The following MYH15 variants were observed in gnomAD, a reference collection of about 807,000 sequenced individuals.
MYH15 encodes myosin heavy chain 15, also known as myosin-15.
In MYH15, 227 loss-of-function variants were observed where a neutral mutation model predicts 240.5. That is an observed-to-expected ratio of 0.94 (90% CI 0.85 to 1.05). The LOEUF (loss-of-function observed/expected upper bound fraction) is 1.05, where lower values mean the gene tolerates loss of function less well. Ranked by LOEUF, MYH15 falls within the 50% of genes least tolerant of loss-of-function variation. MYH15 has a pLI of 0.00. For missense variants in MYH15, 2,217 were observed against 2,247.5 expected (o/e 0.99, Z 0.27); for synonymous variants, 785 against 796.7 (o/e 0.99, Z 0.25).
At chr3:108,407,464 C>G (rs908154032) in intron 32 of MYH15, among the ~76,000 whole-genome samples, 3 of 152,268 alleles carry the variant, frequency 2.0e-5, no homozygotes, top group African/African-American at 4.8e-5. Flanking sequence ...TCTTAACCAC[C>G]TAAGAATCAT....
At chr3:108,470,910 T>C in intron 12 of MYH15, 63 bp from the exon 13 acceptor site, 1 of 1,545,772 alleles carries the variant, frequency 6.5e-7, no homozygotes, top group Admixed American at 1.7e-5. Flanking sequence ...TCCCGGGCAT[T>C]CTCTATCAGC....
upstream of MYH15, among the ~76,000 whole-genome samples, chr3:108,514,966 T>G (rs568541902): frequency 3.3e-5 from 5 of 152,302 alleles, no homozygotes; most frequent in South Asian, 1.0e-3. Context: ...TCAACTTTTA[T>G]TGATAATTAA....
chr3:108,527,370 C>T (rs1220119654), intron 1 of MYH15, among the ~76,000 whole-genome samples: 1 of 152,114 alleles, frequency 6.6e-6, no homozygotes, highest in Non-Finnish European at 1.5e-5. Context: ...TTCCACAGCC[C>T]TTCTCCATAG....
intron 1 of MYH15, among the ~76,000 whole-genome samples, chr3:108,527,575 G>C (rs556739111): frequency 1.3e-5 from 2 of 152,000 alleles, no homozygotes; most frequent in African/African-American, 2.4e-5. Flanking sequence ...GAAGTTATTT[G>C]CAATGCATTT....
At chr3:108,409,379 G>T (rs2082571570) in intron 31 of MYH15, among the ~76,000 whole-genome samples, 1 of 152,192 alleles carries the variant, frequency 6.6e-6, no homozygotes, top group Non-Finnish European at 1.5e-5. Flanking sequence ...GTCCAAAGGT[G>T]GTGCCCAGAT....
intron 11 of MYH15, among the ~76,000 whole-genome samples, chr3:108,479,383 GA>G (rs1361386158): frequency 6.6e-6 from 1 of 152,150 alleles, no homozygotes; most frequent in African/African-American, 2.4e-5. Context: ...GCTAATCAAA[GA>G]TTAAACAACA....
At chr3:108,391,200 T>C (rs891199440) in intron 37 of MYH15, among the ~76,000 whole-genome samples, 6 of 152,226 alleles carry the variant, frequency 3.9e-5, no homozygotes, top group Non-Finnish European at 5.9e-5. Context: ...TCATATGCCT[T>C]GTCTGTAGTC....
At chr3:108,548,685 T>A in the MYH15 span, among the ~76,000 whole-genome samples, 2 of 152,120 alleles carry the variant, frequency 1.3e-5, no homozygotes, top group East Asian at 3.8e-4. Context: ...GTAAATATAG[T>A]TCATAACTAT....
At chr3:108,403,176 C>G (rs1015981081) in intron 33 of MYH15, among the ~76,000 whole-genome samples, 10 of 152,166 alleles carry the variant, frequency 6.6e-5, no homozygotes, top group African/African-American at 1.9e-4. Context: ...CCCCAACAGG[C>G]CTCCAGGCTG....
rs58604118 is a variant in MYH15 at position 108,430,411 on chromosome 3, A to G, written c.3312+421T>C. ...TACCTATAGAACTTACTGATTTTCA[A>G]TCGCCTTCTAATCACAAAGAATAAT... On this transcript the variant is annotated intron_variant, in intron 26 of 40. Coordinates refer to ENST00000693548, the MANE Select transcript of MYH15 (RefSeq NM_014981.3). Among the ~76,000 whole-genome samples the G allele has an allele frequency of 2.1e-3, 319 of 152,352 alleles. 1 individual carries two copies. Among genetic ancestry groups the G allele is most frequent in the African/African-American group, 7.1e-3 (297 of 41,588 alleles).
chr3:108,426,054 G>A (rs756106339), intron 27 of MYH15, among the ~76,000 whole-genome samples: 1 of 152,124 alleles, frequency 6.6e-6, no homozygotes, highest in Non-Finnish European at 1.5e-5. Context: ...TAAAGAAAGT[G>A]TTCAGGGCTC....
At position 108,463,146 on chromosome 3, in the gene MYH15, G is replaced by A. The variant is rs28565077; in HGVS notation, c.1829C>T (p.Ala610Val). ...VFQKSSNRLL[A>V]SLFENYMSTD... Reference sequence around the variant, plus strand: ...ACTCATGTAATTTTCAAAAAGGCTCGCCAGGAGTCTGTTGGAAGACTTCTG... The same window carrying A: ...ACTCATGTAATTTTCAAAAAGGCTCACCAGGAGTCTGTTGGAAGACTTCTG... The change falls in exon 16 of 41, where the codon GCG (alanine) becomes GTG (valine). Residue 610 changes from alanine to valine, a missense_variant. Coordinates refer to ENST00000693548, the MANE Select transcript of MYH15 (RefSeq NM_014981.3). 5.5e-4 allele frequency: 880 copies of A among 1,612,016 alleles called. 4 individuals are homozygous for A. The African/African-American group carries it at 6.9e-3, about 13-fold the overall frequency.
chr3:108,503,294 G>A lies in MYH15; in HGVS notation c.196-1439C>T, dbSNP rs2083451952. Among the ~76,000 whole-genome samples the A allele has an allele frequency of 2.0e-5, 3 of 152,254 alleles. No homozygotes were observed. The South Asian group carries it at 6.2e-4, about 32-fold the overall frequency. On this transcript the variant is annotated intron_variant, in intron 2 of 40. Coordinates refer to ENST00000693548, the MANE Select transcript of MYH15 (RefSeq NM_014981.3). ...GGGACAGTAGTTTGTTTTGGAGAAT[G>A]TGCTCAGAAGAGCAAGCCTCACATC...
intron 25 of MYH15, 149 bp downstream of exon 25, chr3:108,437,405 G>GA (rs35964179): frequency 0.15 from 144,644 of 936,344 alleles, 8,866 homozygotes; most frequent in East Asian, 0.47. Context: ...GTCCAGTAAA[G>GA]AAAAAAAAAA....
chr3:108,438,594 T>A (rs1016994304), intron 24 of MYH15, among the ~76,000 whole-genome samples: 1 of 152,020 alleles, frequency 6.6e-6, no homozygotes, highest in Non-Finnish European at 1.5e-5. Context: ...GTCATGAAGG[T>A]AGAGCCCCCA....
In MYH15 at chr3:108,490,198, G is replaced by A. The variant is rs1342825023; in HGVS notation, c.871+2302C>T. On this transcript the variant is annotated intron_variant, in intron 9 of 40. Coordinates refer to ENST00000693548, the MANE Select transcript of MYH15 (RefSeq NM_014981.3). ...GGAGAGAAGGTGGGGAGGAGAATAC[G>A]TGCTGCTTACATGACACCAATTACA... Among the ~76,000 whole-genome samples, 3 of 152,310 alleles carry A rather than the reference G, an allele frequency of 2.0e-5. No homozygotes were observed. The East Asian group carries it at 5.8e-4, about 29-fold the overall frequency.
At chr3:108,485,301 T>TA in intron 10 of MYH15, 72 bp from the exon 11 acceptor site, 1 of 1,559,670 alleles carries the variant, frequency 6.4e-7, no homozygotes, top group African/African-American at 1.4e-5. Flanking sequence ...ACCCCCGCTG[T>TA]GTTACACCTC....
chr3:108,529,072 A>ATTATATTT (rs1461296179), intron 1 of MYH15, among the ~76,000 whole-genome samples: 1 of 152,174 alleles, frequency 6.6e-6, no homozygotes, highest in Non-Finnish European at 1.5e-5. Flanking sequence ...GGATTTTTAA[A>ATTATATTT]AAGCAGACCG....
intron 1 of MYH15, among the ~76,000 whole-genome samples, chr3:108,520,829 A>T (rs140232250): frequency 6.6e-6 from 1 of 152,166 alleles, no homozygotes; most frequent in Non-Finnish European, 1.5e-5. Flanking sequence ...TCTACTATTT[A>T]TTTAGGCTAT....
Sources: allele counts gnomAD v4.1 joint callset (sites outside exome capture counted in the v4.1 genomes callset), GRCh38; gene constraint gnomAD v4.1.1; transcripts MANE v1.5; gene names NCBI Gene and HGNC (gene_info 2026-07-23, HGNC 2026-07-21).